Variants in ULK4 observed in about 807,000 individuals in gnomAD.
ULK4 encodes the protein inactive serine/threonine-protein kinase ULK4.
Under a neutral mutation model 160.6 loss-of-function variants are expected in ULK4, and 133 were observed. The ratio of observed to expected loss-of-function variants is 0.83; its 90% CI spans 0.72 to 0.96. The LOEUF is 0.96. Among genes scored for constraint, ULK4 ranks in the 40% least tolerant of loss-of-function variants. ULK4 has a pLI of 0.00. For synonymous variants in ULK4, 534 were observed against 539.8 expected, an observed-to-expected ratio of 0.99 and a Z score of 0.15; for missense variants, 1,580 against 1,499.5, an observed-to-expected ratio of 1.05 and a Z score of -0.89.
chr3:41,506,767 A>AAAAAAAAAAAAAAAAAAAAAT lies in ULK4; in HGVS notation c.3227-43515_3227-43514insATTTTTTTTTTTTTTTTTTTT. Among the ~76,000 whole-genome samples the AAAAAAAAAAAAAAAAAAAAAT allele has an allele frequency of 3.2e-3, 184 of 56,774 alleles. 27 individuals are homozygous for AAAAAAAAAAAAAAAAAAAAAT. Among genetic ancestry groups the AAAAAAAAAAAAAAAAAAAAAT allele is most frequent in the Non-Finnish European group, 4.2e-3 (134 of 31,968 alleles). 37.2% of individuals were successfully genotyped at this position (56,774 alleles called of 152,430 possible). A position where few individuals can be genotyped will look rare whatever the true frequency, so the allele number is the denominator to read the frequency against. On this transcript the variant is annotated intron_variant, in intron 32 of 36. Transcript: ENST00000301831. ...AGCAATACACTGGAGTGTGATTTAA[A>AAAAAAAAAAAAAAAAAAAAAT]ATATATATATATATATATATATATA...
intron 32 of ULK4, among the ~76,000 whole-genome samples, chr3:41,485,113 A>T (rs926155377): frequency 6.6e-6 from 1 of 152,162 alleles, no homozygotes; most frequent in Non-Finnish European, 1.5e-5. Flanking sequence ...CAACAACTCC[A>T]TTTCACAGAT....
chr3:41,756,649 C>T (rs55776769), intron 21 of ULK4, among the ~76,000 whole-genome samples: 2 of 152,034 alleles, frequency 1.3e-5, no homozygotes, highest in Non-Finnish European at 2.9e-5. Flanking sequence ...GGTCAGAGGC[C>T]CCCAGAGAAA....
chr3:41,580,860 C>T (rs1390548042), intron 31 of ULK4, among the ~76,000 whole-genome samples: 1 of 152,170 alleles, frequency 6.6e-6, no homozygotes, highest in Non-Finnish European at 1.5e-5. Flanking sequence ...TTCTTTGATG[C>T]TAAACCCAAT....
chr3:41,536,751 G>T (rs756628029), intron 32 of ULK4, among the ~76,000 whole-genome samples: 1 of 152,182 alleles, frequency 6.6e-6, no homozygotes, highest in Non-Finnish European at 1.5e-5. Context: ...GGAGGGGTTG[G>T]TCTTTCTGTC....
At chr3:41,392,507 T>C (rs2081978339) in intron 35 of ULK4, among the ~76,000 whole-genome samples, 1 of 152,126 alleles carries the variant, frequency 6.6e-6, no homozygotes, top group Admixed American at 6.6e-5. Context: ...CCCAAGATGA[T>C]TCTCTAACAA....
At chr3:41,524,541 T>C (rs1457749473) in intron 32 of ULK4, among the ~76,000 whole-genome samples, 1 of 152,188 alleles carries the variant, frequency 6.6e-6, no homozygotes, top group Admixed American at 6.5e-5. Flanking sequence ...CCTCCAGTCT[T>C]TCCTCAATTC....
chr3:41,706,100 G>A (rs2036867217), intron 25 of ULK4, among the ~76,000 whole-genome samples: 1 of 151,824 alleles, frequency 6.6e-6, no homozygotes, highest in Admixed American at 6.6e-5. Context: ...GCGCTCCCAT[G>A]CACCATGCTA....
intron 17 of ULK4, among the ~76,000 whole-genome samples, chr3:41,852,996 G>A (rs987656956): frequency 6.6e-6 from 1 of 152,146 alleles, no homozygotes; most frequent in Non-Finnish European, 1.5e-5. Context: ...TGACTCACCT[G>A]GGAGACCAGA....
At chr3:41,492,642 A>C (rs547680389) in intron 32 of ULK4, among the ~76,000 whole-genome samples, 12 of 151,734 alleles carry the variant, frequency 7.9e-5, no homozygotes, top group African/African-American at 2.4e-4. Flanking sequence ...CAAATTGGAT[A>C]AAGAGTCAAG....
chr3:41,642,589 T>G (rs149916953), intron 30 of ULK4, among the ~76,000 whole-genome samples: 9,344 of 152,286 alleles, frequency 0.061, 975 homozygotes, highest in African/African-American at 0.21. Flanking sequence ...CACTCTACCA[T>G]TGTTGGACAT....
intron 32 of ULK4, among the ~76,000 whole-genome samples, chr3:41,469,648 A>C (rs2083926687): frequency 6.7e-6 from 1 of 149,392 alleles, no homozygotes; most frequent in African/African-American, 2.5e-5. Flanking sequence ...GCCTAAAAAG[A>C]TGGCTATCTC....
intron 32 of ULK4, among the ~76,000 whole-genome samples, chr3:41,494,495 A>C (rs901571728): frequency 6.7e-6 from 1 of 150,284 alleles, no homozygotes; most frequent in African/African-American, 2.5e-5. Flanking sequence ...CAAAAACTGG[A>C]AGCATTCCCT....
intron 35 of ULK4, among the ~76,000 whole-genome samples, chr3:41,305,453 C>T (rs1559514442): frequency 1.3e-5 from 2 of 152,230 alleles, no homozygotes; most frequent in Non-Finnish European, 2.9e-5. Flanking sequence ...AGCCCCTAAC[C>T]GCAAGTGATC....
chr3:41,278,123 A>T (rs982785675), intron 35 of ULK4: 2 of 152,342 alleles, frequency 1.3e-5, no homozygotes, highest in African/African-American at 4.8e-5. Context: ...CTTAGCAGCC[A>T]GCAGACCAGG....
intron 32 of ULK4, among the ~76,000 whole-genome samples, chr3:41,519,185 C>A (rs557500769): frequency 2.3e-4 from 35 of 152,192 alleles, no homozygotes; most frequent in African/African-American, 7.7e-4. Context: ...GTCTTTCTTA[C>A]GTTGAACACA....
chr3:41,896,808 TCACAC>T lies in ULK4; in HGVS notation c.1530+9_1530+13del. 1 of 1,600,810 alleles carries T rather than the reference TCACAC, an allele frequency of 6.2e-7. No individual in the cohort carries two copies. Among genetic ancestry groups the T allele is most frequent in the Non-Finnish European group, 8.5e-7 (1 of 1,175,102 alleles). On this transcript the variant is annotated intron_variant, in intron 15 of 36. Transcript: ENST00000301831. Reference sequence around the variant, plus strand: ...CACAAATTAAAATGCATAAGGCATGTCACACAGGCTTACCAGGGGGGAATGGAGGA... The same window carrying T: ...CACAAATTAAAATGCATAAGGCATGTAGGCTTACCAGGGGGGAATGGAGGA...
At chr3:41,747,228 G>GA (rs889970764) in intron 22 of ULK4, among the ~76,000 whole-genome samples, 1 of 151,848 alleles carries the variant, frequency 6.6e-6, no homozygotes, top group South Asian at 2.1e-4. Flanking sequence ...CACATGGAGA[G>GA]AAAAAATTTG....
intron 30 of ULK4, among the ~76,000 whole-genome samples, chr3:41,624,959 ATC>A (rs1289540210): frequency 6.6e-6 from 1 of 152,146 alleles, no homozygotes; most frequent in Non-Finnish European, 1.5e-5. Flanking sequence ...TCTTTGGTAA[ATC>A]TCTGTTAAAA....
intron 17 of ULK4, among the ~76,000 whole-genome samples, chr3:41,837,167 G>C (rs928884224): frequency 3.3e-5 from 5 of 152,208 alleles, no homozygotes; most frequent in Admixed American, 6.5e-5. Context: ...ATGCAGGTGG[G>C]ACAGCTGCAC....
Sources: gnomAD v4.1 joint callset for allele counts (sites outside exome capture counted in the v4.1 genomes callset) on GRCh38, gnomAD v4.1.1 for gene constraint, MANE v1.5 for transcripts, NCBI Gene and HGNC (gene_info 2026-07-23, HGNC 2026-07-21) for gene names.